Variants in NAV3 observed in about 807,000 individuals in gnomAD.
NAV3 encodes the protein pore membrane and/or filament interacting like protein 1.
Under a neutral mutation model 244.7 loss-of-function variants are expected in NAV3, and 87 were observed. That is an observed-to-expected ratio of 0.36 (90% CI 0.30 to 0.42). NAV3 has a LOEUF of 0.42. Among genes scored for constraint, NAV3 ranks in the 20% least tolerant of loss-of-function variants. NAV3 has a pLI of 1.00. For missense variants in NAV3, 2,663 were observed against 2,893.3 expected, an observed-to-expected ratio of 0.92 and a Z score of 1.83; for synonymous variants, 1,126 against 1,042.2, an observed-to-expected ratio of 1.08 and a Z score of -1.55.
rs371253162 is a variant in NAV3, at chr12:77,967,676, T to G, written c.488-843T>G. Among the ~76,000 whole-genome samples the G allele has an allele frequency of 1.2e-4, 18 of 152,260 alleles. No individual in the cohort carries two copies. In the South Asian group the frequency reaches 1.9e-3, roughly 16 times the overall value. On this transcript the variant is annotated intron_variant, in intron 4 of 39. Transcript: ENST00000397909. ...CAAGCTTTACATCCTTCTCTTTTCC[T>G]ATTTTTTTAAGTTATAACTACAGGA...
intron 2 of NAV3, among the ~76,000 whole-genome samples, chr12:77,626,409 C>A (rs545508369): frequency 6.6e-6 from 1 of 152,048 alleles, no homozygotes; most frequent in Non-Finnish European, 1.5e-5. Flanking sequence ...AGCTGACAAA[C>A]CTTTAAGTTT....
At chr12:77,818,079 G>A (rs1039148807) in intron 2 of NAV3, among the ~76,000 whole-genome samples, 1 of 152,100 alleles carries the variant, frequency 6.6e-6, no homozygotes, top group Non-Finnish European at 1.5e-5. Context: ...GGATAGGTGG[G>A]ATAGGTGGAA....
intron 1 of NAV3, among the ~76,000 whole-genome samples, chr12:77,906,580 G>A (rs1254409117): frequency 1.3e-5 from 2 of 151,972 alleles, no homozygotes; most frequent in Non-Finnish European, 2.9e-5. Context: ...TAATGTCCAG[G>A]TATTTTAGCA....
chr12:77,938,191 A>G (rs1315803685), intron 1 of NAV3, among the ~76,000 whole-genome samples: 1 of 152,180 alleles, frequency 6.6e-6, no homozygotes, highest in Non-Finnish European at 1.5e-5. Context: ...AAACAATTCT[A>G]TCATTTAAAT....
chr12:77,893,041 G>A (rs367789908), intron 1 of NAV3, among the ~76,000 whole-genome samples: 26 of 152,212 alleles, frequency 1.7e-4, no homozygotes, highest in African/African-American at 6.3e-4. Context: ...TGGATGTTAG[G>A]TTTCTGAAGA....
rs552754684 is a variant in NAV3 at position 78,007,422 on chromosome 12, G to C, written c.1884G>C (p.Ala628=). ...AGCAACATAGCCACCCGAATACCGC[G>C]ACAGTGGCACCATTCATTTACAGGT... ...QQQQHSHPNT[A]TVAPFIYRAH... Residue 628 remains alanine (A), a synonymous_variant, in exon 8 of 40, where the codon GCG becomes GCC. Coordinates refer to ENST00000397909, the MANE Select transcript of NAV3 (RefSeq NM_001024383.2). The C allele has an allele frequency of 1.2e-6, 2 of 1,613,816 alleles. No individual in the cohort carries two copies. Among genetic ancestry groups the C allele is most frequent in the Non-Finnish European group, 1.7e-6 (2 of 1,179,904 alleles).
chr12:77,976,153 G>C (rs11107634), intron 5 of NAV3, among the ~76,000 whole-genome samples: 101,378 of 151,922 alleles, frequency 0.67, 34,090 homozygotes, highest in East Asian at 0.75. Context: ...GGAAAGGTTT[G>C]GTAGGGAGAA....
chr12:78,038,637 T>C (rs1048418314), intron 9 of NAV3, among the ~76,000 whole-genome samples: 25 of 152,320 alleles, frequency 1.6e-4, no homozygotes, highest in African/African-American at 5.3e-4. Flanking sequence ...ACACTGAAGA[T>C]TTACTTTTGC....
intron 39 of NAV3, among the ~76,000 whole-genome samples, chr12:78,208,112 T>G (rs1960515310): frequency 6.6e-6 from 1 of 152,150 alleles, no homozygotes; most frequent in Admixed American, 6.5e-5. Context: ...AGTCTAGGAT[T>G]GGGCAGCTGC....
intron 2 of NAV3, among the ~76,000 whole-genome samples, chr12:77,688,005 C>T (rs998777293): frequency 1.3e-5 from 2 of 152,018 alleles, no homozygotes; most frequent in African/African-American, 4.8e-5. Flanking sequence ...CATTATATCA[C>T]ACTTTTTACT....
chr12:77,619,082 T>C (rs1252167447), intron 2 of NAV3, among the ~76,000 whole-genome samples: 2 of 151,724 alleles, frequency 1.3e-5, no homozygotes, highest in Non-Finnish European at 2.9e-5. Context: ...AGGTTAGTAC[T>C]ATATTGGACA....
chr12:77,654,934 A>C (rs1157828781), intron 2 of NAV3, among the ~76,000 whole-genome samples: 3 of 152,048 alleles, frequency 2.0e-5, no homozygotes, highest in African/African-American at 4.8e-5. Flanking sequence ...AACAGAAAGG[A>C]CATCCACACC....
chr12:78,004,082 G>A (rs1328821383), intron 7 of NAV3, among the ~76,000 whole-genome samples: 1 of 152,180 alleles, frequency 6.6e-6, no homozygotes, highest in African/African-American at 2.4e-5. Flanking sequence ...AAATGTTTGA[G>A]TCAGATAAAA....
intron 3 of NAV3, among the ~76,000 whole-genome samples, chr12:77,944,145 T>C (rs532807496): frequency 6.6e-6 from 1 of 152,236 alleles, no homozygotes; most frequent in East Asian, 1.9e-4. Context: ...CACAAACAAA[T>C]AGAAGAGCAC....
At chr12:77,725,923 T>C (rs548141653) in intron 2 of NAV3, among the ~76,000 whole-genome samples, 10 of 151,958 alleles carry the variant, frequency 6.6e-5, no homozygotes, top group Non-Finnish European at 1.0e-4. Context: ...AAGCCTTCAA[T>C]GGCTGACTGA....
At chr12:77,783,722 T>G (rs1180231376) in intron 2 of NAV3, 1 of 152,142 alleles carries the variant, frequency 6.6e-6, no homozygotes, top group Non-Finnish European at 1.5e-5. Context: ...GGAAACTACA[T>G]TTAAAGAAAG....
chr12:77,731,031 T>C (rs1445012254), intron 2 of NAV3, among the ~76,000 whole-genome samples: 3 of 151,940 alleles, frequency 2.0e-5, no homozygotes, highest in Admixed American at 6.6e-5. Flanking sequence ...AATAAAAGTA[T>C]TTCAAAAAAC....
chr12:77,883,068 C>A (rs1419679979), intron 1 of NAV3, among the ~76,000 whole-genome samples: 1 of 152,066 alleles, frequency 6.6e-6, no homozygotes, highest in African/African-American at 2.4e-5. Context: ...CATTTTGACC[C>A]AGCAATTCTA....
At chr12:77,604,839 G>A (rs12308466) in intron 2 of NAV3, among the ~76,000 whole-genome samples, 1 of 152,036 alleles carries the variant, frequency 6.6e-6, no homozygotes, top group East Asian at 1.9e-4. Flanking sequence ...ATCACTGTCT[G>A]CATAGAACTG....
Sources: gnomAD v4.1 joint callset for allele counts (sites outside exome capture counted in the v4.1 genomes callset) on GRCh38, gnomAD v4.1.1 for gene constraint, MANE v1.5 for transcripts, NCBI Gene and HGNC (gene_info 2026-07-23, HGNC 2026-07-21) for gene names.